Variants in TANGO6 observed in about 807,000 individuals in gnomAD.
TANGO6 encodes the protein transport and Golgi organization protein 6 homolog.
TANGO6 carries 90 observed loss-of-function variants against 114.2 expected under a neutral mutation model. That is an observed-to-expected ratio of 0.79 (90% CI 0.66 to 0.94). TANGO6 has a LOEUF of 0.94. TANGO6 is among the 40% of genes least tolerant of loss of function. The pLI is 0.00. For synonymous variants in TANGO6, 477 were observed against 509.8 expected, an observed-to-expected ratio of 0.94 and a Z score of 0.87; for missense variants, 1,274 against 1,315.3, an observed-to-expected ratio of 0.97 and a Z score of 0.49.
At position 68,927,587 on chromosome 16, in the gene TANGO6, C is replaced by G. The variant is rs375154029; in HGVS notation, c.2147C>G (p.Ala716Gly). ...TTGTAGTTGAAGTCAAGTGATTTTG[C>G]TGTTCTGAAGCAGTTGTTGCCTCTG... ...GAVQLKSSDF[A>G]VLKQLLPLLE... Residue 716 changes from alanine to glycine, a missense_variant, in exon 13 of 18, where the codon GCT (alanine) becomes GGT (glycine). Physicochemically the swap from Ala to Gly is moderately conservative, Grantham distance 60. Around this residue, in one of 5 missense-constraint regions of TANGO6, gnomAD observed 908 missense variants for 910.2 expected, o/e 1.00. Coordinates refer to ENST00000261778, the MANE Select transcript of TANGO6 (RefSeq NM_024562.2). 33 of 1,609,402 alleles carry G rather than the reference C, an allele frequency of 2.1e-5. No homozygotes were observed. The highest frequency in any genetic ancestry group is 2.7e-5 in the Non-Finnish European group (32 of 1,177,074).
rs889656374 is a variant in TANGO6, at chr16:69,043,268, G to A, written c.3108+2847G>A. Among the ~76,000 whole-genome samples the A allele has an allele frequency of 5.6e-5, 8 of 142,958 alleles. No individual in the cohort carries two copies. In the Admixed American group the frequency reaches 6.0e-4, roughly 11 times the overall value. The allele number at this position is 142,958 out of a possible 152,430, so 93.8% of individuals were successfully genotyped here. A position where few individuals can be genotyped will look rare whatever the true frequency, so the allele number is the denominator to read the frequency against. ...AGTGAGAGAGTGAAAGTGAGAGCGA[G>A]CGAGAGACAGAGCGAGTGTGTGTGT... is the stretch of plus-strand genomic sequence containing the variant. On this transcript the variant is annotated intron_variant, in intron 17 of 17. Coordinates refer to ENST00000261778, the MANE Select transcript of TANGO6 (RefSeq NM_024562.2).
At chr16:69,007,926 C>A (rs892842088) in intron 15 of TANGO6, among the ~76,000 whole-genome samples, 4 of 152,082 alleles carry the variant, frequency 2.6e-5, no homozygotes, top group African/African-American at 9.7e-5. Flanking sequence ...TTTTCCTGTG[C>A]TTCTTGGACG....
At chr16:69,010,326 T>C (rs1482603075) in intron 15 of TANGO6, among the ~76,000 whole-genome samples, 1 of 152,154 alleles carries the variant, frequency 6.6e-6, no homozygotes, top group Non-Finnish European at 1.5e-5. Context: ...GTGAACACAT[T>C]ATCTAAATTC....
intron 15 of TANGO6, among the ~76,000 whole-genome samples, chr16:68,991,334 G>A (rs1473605034): frequency 1.3e-5 from 2 of 152,186 alleles, no homozygotes; most frequent in Admixed American, 1.3e-4. Context: ...GGAGAGCCTG[G>A]GCTGGGCATG....
intron 13 of TANGO6, 25 bp downstream of exon 13, chr16:68,928,108 A>C (rs774631939): frequency 1.9e-6 from 3 of 1,539,214 alleles, no homozygotes; most frequent in Non-Finnish European, 2.6e-6. Flanking sequence ...CTGTAAAGAC[A>C]CATGGGCACA....
intron 7 of TANGO6, among the ~76,000 whole-genome samples, chr16:68,884,152 C>A (rs1412955751): frequency 6.6e-6 from 1 of 152,162 alleles, no homozygotes; most frequent in Non-Finnish European, 1.5e-5. Context: ...TCAAGCAATC[C>A]CCCTGCCTTG....
chr16:69,073,718 A>T (rs1386723375), intron 17 of TANGO6, among the ~76,000 whole-genome samples: 1 of 152,170 alleles, frequency 6.6e-6, no homozygotes, highest in Non-Finnish European at 1.5e-5. Context: ...GCATTTTGGG[A>T]GGCCGAGGCC....
intron 6 of TANGO6, among the ~76,000 whole-genome samples, chr16:68,880,022 G>T (rs1962432181): frequency 6.6e-6 from 1 of 151,478 alleles, no homozygotes; most frequent in South Asian, 2.1e-4. Context: ...GCCCATGCTT[G>T]AGTGCAGTGG....
intron 15 of TANGO6, among the ~76,000 whole-genome samples, chr16:68,992,788 G>T (rs1377002075): frequency 6.6e-6 from 1 of 152,120 alleles, no homozygotes; most frequent in African/African-American, 2.4e-5. Context: ...CAGAAATCTG[G>T]CCGGGCACGG....
Position 68,964,956 on chromosome 16 carries a change from A to T in TANGO6, c.2702-9072A>T, listed in dbSNP as rs1369725225. Among the ~76,000 whole-genome samples the T allele has an allele frequency of 2.0e-5, 3 of 152,228 alleles. No homozygotes were observed. The East Asian group carries it at 5.8e-4, about 29-fold the overall frequency. On this transcript the variant is annotated intron_variant, in intron 14 of 17. Coordinates refer to ENST00000261778, the MANE Select transcript of TANGO6 (RefSeq NM_024562.2). ...TTTCTGTTGATGCAAATTTGTTTCC[A>T]GTCTTTTCTATTACGAATAGTGCTA...
At chr16:68,979,036 C>T (rs763574223) in intron 15 of TANGO6, among the ~76,000 whole-genome samples, 19 of 150,716 alleles carry the variant, frequency 1.3e-4, no homozygotes, top group Admixed American at 6.0e-4. Flanking sequence ...CTGCCTCCCT[C>T]AGCTTCCCAA....
At chr16:68,843,816 C>A in intron 1 of TANGO6, 105 bp downstream of exon 1, 2 of 1,050,622 alleles carry the variant, frequency 1.9e-6, no homozygotes, top group African/African-American at 1.6e-5. Context: ...AGGCCCGCCT[C>A]GGGACCCTCC....
chr16:68,958,388 C>G (rs1195094429), intron 14 of TANGO6, among the ~76,000 whole-genome samples: 1 of 149,030 alleles, frequency 6.7e-6, no homozygotes, highest in Non-Finnish European at 1.5e-5. Context: ...ACTTGGGAGG[C>G]TGAGGCAGGA....
intron 4 of TANGO6, among the ~76,000 whole-genome samples, chr16:68,870,104 T>C (rs1314430247): frequency 6.6e-6 from 1 of 152,072 alleles, no homozygotes; most frequent in Non-Finnish European, 1.5e-5. Context: ...ATGGATTGGG[T>C]AAGAGCAGAA....
At chr16:69,064,311 C>T (rs1960182877) in intron 17 of TANGO6, among the ~76,000 whole-genome samples, 1 of 152,144 alleles carries the variant, frequency 6.6e-6, no homozygotes, top group African/African-American at 2.4e-5. Context: ...GCATCTTGCA[C>T]AGAGCATTGA....
intron 14 of TANGO6, among the ~76,000 whole-genome samples, chr16:68,963,107 A>G (rs914159015): frequency 1.3e-4 from 19 of 149,358 alleles, no homozygotes; most frequent in Non-Finnish European, 2.2e-4. Flanking sequence ...AAAAAAAAAA[A>G]GCTTGTCCTT....
chr16:68,933,222 C>T (rs1317727465), intron 14 of TANGO6, among the ~76,000 whole-genome samples: 2 of 152,198 alleles, frequency 1.3e-5, no homozygotes, highest in African/African-American at 2.4e-5. Flanking sequence ...CAAGACCAGC[C>T]TGATCAACAT....
At chr16:69,061,801 C>G (rs1413353541) in intron 17 of TANGO6, among the ~76,000 whole-genome samples, 1 of 152,070 alleles carries the variant, frequency 6.6e-6, no homozygotes, top group Non-Finnish European at 1.5e-5. Context: ...GGGCGGATCA[C>G]AAGGTCAGGA....
At chr16:68,920,012 A>G (rs1359759560) in intron 12 of TANGO6, among the ~76,000 whole-genome samples, 4 of 152,190 alleles carry the variant, frequency 2.6e-5, no homozygotes, top group African/African-American at 9.6e-5. Flanking sequence ...GTGCCATTGC[A>G]CTCCAGCCTG....
Sources: allele counts gnomAD v4.1 joint callset (sites outside exome capture counted in the v4.1 genomes callset), GRCh38; gene constraint gnomAD v4.1.1; regional missense constraint gnomAD v4.1.1; transcripts MANE v1.5; gene names NCBI Gene and HGNC (gene_info 2026-07-23, HGNC 2026-07-21).